SAR1B: variants seen among roughly 807,000 people sequenced by gnomAD.
SAR1B encodes secretion associated Ras related GTPase 1B.
In SAR1B, 23 loss-of-function variants were observed where a neutral mutation model predicts 26.8. That is an observed-to-expected ratio of 0.86 (90% confidence interval 0.62 to 1.22). SAR1B has a LOEUF of 1.22. Ranked by LOEUF, SAR1B falls within the 50% of genes most tolerant of loss-of-function variation. The pLI is 0.00. For missense variants in SAR1B, 196 were observed against 232.8 expected, an observed-to-expected ratio of 0.84 and a Z score of 1.03; for synonymous variants, 65 against 80.8, an observed-to-expected ratio of 0.80 and a Z score of 1.05.
At chr5:134,617,913 TG>T (rs779708983) in intron 3 of SAR1B, among the ~76,000 whole-genome samples, 6 of 152,166 alleles carry the variant, frequency 3.9e-5, no homozygotes, top group Non-Finnish European at 8.8e-5. Context: ...ACGCTGTTTT[TG>T]CAGACAATTT....
chr5:134,615,748 C>A (rs375697984), intron 3 of SAR1B, among the ~76,000 whole-genome samples: 8 of 151,866 alleles, frequency 5.3e-5, no homozygotes, highest in African/African-American at 1.9e-4. Flanking sequence ...ACGCGGGAGG[C>A]GGAGCTTGCA....
rs62379980 is a variant in SAR1B at position 134,609,190 on chromosome 5, G to A, written c.348+381C>T. ...GCCTCTGCTCACTCCTGGGAGTAGT[G>A]TCAAAGATGGCATGTCCTATCATTT... is the stretch of plus-strand genomic sequence containing the variant. On this transcript the variant is annotated intron_variant, in intron 5 of 6. Coordinates refer to ENST00000402673, the MANE Select transcript of SAR1B (RefSeq NM_016103.4). 3,249 of 437,228 alleles carry A rather than the reference G, an allele frequency of 7.4e-3. 25 individuals carry two copies. The highest frequency in any genetic ancestry group is 9.5e-3 in the Non-Finnish European group (2,109 of 221,046). 27.1% of individuals were successfully genotyped at this position (437,228 alleles called of 1,614,324 possible).
At chr5:134,623,466 A>G (rs1765447262) in intron 2 of SAR1B, among the ~76,000 whole-genome samples, 1 of 147,334 alleles carries the variant, frequency 6.8e-6, no homozygotes, top group Non-Finnish European at 1.5e-5. Flanking sequence ...ACAAAACACC[A>G]GCCTGGGCAA....
chr5:134,611,048 G>C (rs551420802), intron 4 of SAR1B, among the ~76,000 whole-genome samples: 2 of 152,022 alleles, frequency 1.3e-5, no homozygotes, highest in African/African-American at 2.4e-5. Flanking sequence ...ATTCTGTGTA[G>C]AGACAGGGTC....
At position 134,603,972 on chromosome 5, in the gene SAR1B, T is replaced by A. The variant is rs1227608953; in HGVS notation, c.*2978A>T. ...CACAGGCAGTATCTGTGTTCATATA[T>A]CTTTGGCACTCATACAAAGATACTG... On this transcript the variant is annotated 3_prime_UTR_variant, in exon 7 of 7. Coordinates refer to ENST00000402673, the MANE Select transcript of SAR1B (RefSeq NM_016103.4). The A allele has an allele frequency of 6.6e-6, 1 of 152,212 alleles. No individual in the cohort carries two copies. Among genetic ancestry groups the A allele is most frequent in the Non-Finnish European group, 1.5e-5 (1 of 68,040 alleles). The allele number at this position is 152,212 out of a possible 1,614,324, so 9.4% of individuals were successfully genotyped here. A position where few individuals can be genotyped will look rare whatever the true frequency, so the allele number is the denominator to read the frequency against.
intron 6 of SAR1B, among the ~76,000 whole-genome samples, chr5:134,607,516 T>C (rs1765147405): frequency 6.6e-6 from 1 of 151,774 alleles, no homozygotes; most frequent in African/African-American, 2.4e-5. Context: ...CTCATGCCTG[T>C]AATCTCAGCA....
chr5:134,614,093 C>CCCAG (rs1213689029), intron 3 of SAR1B: 1 of 152,032 alleles, frequency 6.6e-6, no homozygotes, highest in Non-Finnish European at 1.5e-5. Context: ...ATCACTTGAG[C>CCCAG]CCAGGAGTTC....
In SAR1B at chr5:134,621,023, ATACCAGTT is replaced by A; in HGVS notation, c.80_87del (p.Lys27IlefsTer6). On this transcript the variant is annotated frameshift_variant, in exon 3 of 7. Coordinates refer to ENST00000402673, the MANE Select transcript of SAR1B (RefSeq NM_016103.4). LOFTEE classifies it high-confidence loss of function. Reference sequence around the variant, plus strand: ...TTTCCTGCATTATCCAATCCAAGAAATACCAGTTTACCAGTTTTCTTATATAATCCTGC... The same window carrying A: ...TTTCCTGCATTATCCAATCCAAGAAATACCAGTTTTCTTATATAATCCTGC... 6.2e-7 allele frequency: 1 copy of A among 1,613,626 alleles called. No individual in the cohort carries two copies.
intron 1 of SAR1B, among the ~76,000 whole-genome samples, chr5:134,625,469 G>A (rs1765479612): frequency 2.6e-5 from 4 of 152,170 alleles, no homozygotes. Context: ...GTAAAGAAAG[G>A]TAGTATACAG....
chr5:134,620,503 T>A (rs566010919), intron 3 of SAR1B, among the ~76,000 whole-genome samples: 38 of 152,124 alleles, frequency 2.5e-4, no homozygotes, highest in Non-Finnish European at 4.4e-4. Context: ...TCACCTATAA[T>A]TTATTATTTT....
At chr5:134,610,861 T>C (rs1765200585) in intron 4 of SAR1B, among the ~76,000 whole-genome samples, 1 of 151,746 alleles carries the variant, frequency 6.6e-6, no homozygotes, top group Admixed American at 6.6e-5. Flanking sequence ...CTTTCTTCAC[T>C]GACTTGAGTT....
In SAR1B at chr5:134,622,746, G is replaced by T. The variant is rs562328242; in HGVS notation, c.58+1216C>A. ...TAACTATTGCTTCATATATAAAGAGGCTCAACACAAATAAGCACTATTATA... is the reference window on the plus strand; with the variant it reads ...TAACTATTGCTTCATATATAAAGAGTCTCAACACAAATAAGCACTATTATA... On this transcript the variant is annotated intron_variant, in intron 2 of 6. Transcript: ENST00000402673. Among the ~76,000 whole-genome samples, 84 of 151,484 alleles carry T rather than the reference G, an allele frequency of 5.5e-4. No individual in the cohort carries two copies. In the South Asian group the frequency reaches 0.014, roughly 26 times the overall value.
At chr5:134,608,923 C>T (rs1009608204) in intron 5 of SAR1B, 2 of 365,654 alleles carry the variant, frequency 5.5e-6, no homozygotes. Context: ...GTCTCTGGAA[C>T]AAAGTAGGAA....
chr5:134,615,753 C>T (rs1216803336), intron 3 of SAR1B, among the ~76,000 whole-genome samples: 1 of 146,586 alleles, frequency 6.8e-6, no homozygotes, highest in Non-Finnish European at 1.5e-5. Flanking sequence ...GGAGGCGGAG[C>T]TTGCAGTGAG....
intron 5 of SAR1B, among the ~76,000 whole-genome samples, 156 bp from the exon 6 acceptor site, chr5:134,608,659 A>ATT (rs1765168617): frequency 6.6e-6 from 1 of 152,240 alleles, no homozygotes; most frequent in Non-Finnish European, 1.5e-5. Flanking sequence ...AGTGACCTCA[A>ATT]TGAAACCATA....
chr5:134,620,833 A>G, intron 3 of SAR1B, 100 bp downstream of exon 3: 1 of 1,371,718 alleles, frequency 7.3e-7, no homozygotes, highest in Non-Finnish European at 1.0e-6. Context: ...CAGCCTGGGC[A>G]ACAGAGAAAG....
chr5:134,611,609 C>T (rs1161937177), intron 4 of SAR1B, among the ~76,000 whole-genome samples: 3 of 151,810 alleles, frequency 2.0e-5, no homozygotes, highest in Admixed American at 6.6e-5. Flanking sequence ...TTTTAGTCCC[C>T]GCAAGTTTAA....
At chr5:134,619,655 C>A (rs1181407062) in intron 3 of SAR1B, among the ~76,000 whole-genome samples, 2 of 152,090 alleles carry the variant, frequency 1.3e-5, no homozygotes, top group Non-Finnish European at 2.9e-5. Flanking sequence ...TGAGCCACCA[C>A]ACCCACCCTT....
At chr5:134,609,803 T>A (rs1208768484) in intron 4 of SAR1B, 129 bp from the exon 5 acceptor site, 1 of 745,488 alleles carries the variant, frequency 1.3e-6, no homozygotes. Context: ...TATATTCAAG[T>A]TAATCTTTTA....
Sources: gnomAD v4.1 joint callset for allele counts (sites outside exome capture counted in the v4.1 genomes callset) on GRCh38, gnomAD v4.1.1 for gene constraint, MANE v1.5 for transcripts, NCBI Gene and HGNC (gene_info 2026-07-23, HGNC 2026-07-21) for gene names.